The following CHI3L1 variants were observed in gnomAD, a reference collection of about 807,000 sequenced individuals.
CHI3L1 encodes the protein chitinase 3 like 1, also known as chitinase-3-like protein 1.
A neutral mutation model predicts 40.7 loss-of-function variants in CHI3L1; 30 were observed. The observed-to-expected ratio is 0.74, with a 90% CI of 0.55 to 1.00. The LOEUF is 1.00. Among genes scored for constraint, CHI3L1 ranks in the 50% least tolerant of loss-of-function variants. CHI3L1 has a pLI of 0.00. For synonymous variants in CHI3L1, 210 were observed against 192.1 expected (o/e 1.09, Z -0.77); for missense variants, 493 against 492.2 (o/e 1.00, Z -0.01).
In CHI3L1 at chr1:203,180,486, G is replaced by C. The variant is rs2102200655; in HGVS notation, c.878C>G (p.Thr293Ser). The C allele has an allele frequency of 6.3e-7, 1 of 1,595,412 alleles. No individual in the cohort carries two copies. The highest frequency in any genetic ancestry group is 1.8e-5 in the Admixed American group (1 of 55,650). Reference sequence around the variant, plus strand: ...CTCCATTACCTCATAGTAGGCAAGGGTCCCTGCCTCCTTGGTGAACCGGCC... The same window carrying C: ...CTCCATTACCTCATAGTAGGCAAGGCTCCCTGCCTCCTTGGTGAACCGGCC... ...IPGRFTKEAG[T>S]LAYYEICDFL... is the part of the protein sequence containing the mutation. Residue 293 changes from threonine to serine, a missense_variant, in exon 8 of 10, where the codon ACC becomes AGC. Physicochemically the swap from Thr to Ser is moderately conservative, Grantham distance 58. Coordinates refer to ENST00000255409, the MANE Select transcript of CHI3L1 (RefSeq NM_001276.4).
chr1:203,184,736 G>A lies in CHI3L1; in HGVS notation c.258-104C>T, dbSNP rs527453152. 605 of 960,246 alleles carry A rather than the reference G, an allele frequency of 6.3e-4. 2 individuals carry two copies. The African/African-American group carries it at 8.5e-3, about 13-fold the overall frequency. The allele number at this position is 960,246 out of a possible 1,614,324, so 59.5% of individuals were successfully genotyped here. On this transcript the variant is annotated intron_variant, in intron 3 of 9. Transcript: ENST00000255409. ...CCATAGAAGGTTTCCTGCTTTGGGT[G>A]AGAGGCTGGGTTAGGCCGCTGATGT... is the stretch of plus-strand genomic sequence containing the variant.
intron 1 of CHI3L1, 40 bp from the exon 2 acceptor site, chr1:203,186,385 C>A: frequency 6.3e-7 from 1 of 1,575,646 alleles, no homozygotes; most frequent in Non-Finnish European, 8.6e-7. Flanking sequence ...CAAGTGCATC[C>A]TGCCCTTCCG....
rs146812616 is a variant in CHI3L1 at position 203,186,601 on chromosome 1, G to T, written c.23C>A (p.Thr8Lys). The T allele has an allele frequency of 1.2e-6, 2 of 1,614,028 alleles. No individual in the cohort carries two copies. Among genetic ancestry groups the T allele is most frequent in the Non-Finnish European group, 1.7e-6 (2 of 1,180,030 alleles). Reference sequence around the variant, plus strand: ...TTAACCTTGGCTAGCCCAGATACCTGTTTGAGACGCCTTCACACCCATTCT... The same window carrying T: ...TTAACCTTGGCTAGCCCAGATACCTTTTTGAGACGCCTTCACACCCATTCT... Reference protein sequence around the residue: MGVKASQTGFVVLVLLQC... With the variant: MGVKASQKGFVVLVLLQC... Residue 8 changes from threonine to lysine, a missense_variant and splice_region_variant, in exon 1 of 10, where the codon ACA (threonine) becomes AAA (lysine). By Grantham distance (78) the Thr-to-Lys change is moderately conservative. Transcript: ENST00000255409.
In CHI3L1 at chr1:203,180,598, T is replaced by C; in HGVS notation, c.766A>G (p.Met256Val). The C allele has an allele frequency of 1.4e-6, 2 of 1,476,284 alleles. No homozygotes were observed. Among genetic ancestry groups the C allele is most frequent in the African/African-American group, 1.4e-5 (1 of 70,048 alleles). 91.4% of individuals were successfully genotyped at this position (1,476,284 alleles called of 1,614,324 possible). Residue 256 changes from methionine to valine, a missense_variant, in exon 8 of 10, where the codon ATG becomes GTG. By Grantham distance (21) the Met-to-Val change is conservative. Transcript: ENST00000255409. Reference protein sequence around the residue: ...RLGAPASKLVMGIPTFGRSFT... With the variant: ...RLGAPASKLVVGIPTFGRSFT... Reference sequence around the variant, plus strand: ...CTCCTCCCGAAGGTGGGGATGCCCATCACCAGCTTACTGGCAGGAGCCCCC... The same window carrying C: ...CTCCTCCCGAAGGTGGGGATGCCCACCACCAGCTTACTGGCAGGAGCCCCC...
In CHI3L1 at chr1:203,180,531, A is replaced by T; in HGVS notation, c.833T>A (p.Ile278Asn). ...ASSETGVGAP[I>N]SGPGIPGRFT... ...CCGGCCTGGAATTCCCGGTCCTGAG[A>T]TTGGGGCTCCAACACCAGTCTCAGA... Residue 278 changes from isoleucine (I) to asparagine (N), a missense_variant, in exon 8 of 10, where the codon ATC becomes AAC. Ile to Asn is a moderately radical substitution (Grantham distance 149). Transcript: ENST00000255409. 6.2e-7 allele frequency: 1 copy of T among 1,611,096 alleles called. No homozygotes were observed. Among genetic ancestry groups the T allele is most frequent in the Non-Finnish European group, 8.5e-7 (1 of 1,178,996 alleles).
chr1:203,182,747 T>C lies in CHI3L1; in HGVS notation c.571A>G (p.Ile191Val), dbSNP rs768196322. 3.1e-6 allele frequency: 5 copies of C among 1,614,068 alleles called. No homozygotes were observed. Among genetic ancestry groups the C allele is most frequent in the East Asian group, 2.2e-5 (1 of 44,876 alleles). The change falls in exon 6 of 10, where the codon ATT becomes GTT. Residue 191 changes from isoleucine (I) to valine (V), a missense_variant. Transcript: ENST00000255409. ...GAGACTCACTGGGATATCTTGGCAA[T>C]GTCATAGCTGCTGTCAATGGTGACC... The part of the protein sequence containing the change: ...GKVTIDSSYD[I>V]AKISQHLDFI...
intron 1 of CHI3L1, 23 bp from the exon 2 acceptor site, chr1:203,186,368 A>G (rs768214993): frequency 1.9e-6 from 3 of 1,584,188 alleles, no homozygotes; most frequent in East Asian, 4.6e-5. Flanking sequence ...CCAGGATGAG[A>G]CCCCTGCAAG....
In CHI3L1 at chr1:203,181,254, C is replaced by T. The variant is rs141218577; in HGVS notation, c.619G>A (p.Asp207Asn). The T allele has an allele frequency of 6.2e-6, 10 of 1,613,824 alleles. No individual in the cohort carries two copies. Among genetic ancestry groups the T allele is most frequent in the East Asian group, 4.5e-5 (2 of 44,888 alleles). Residue 207 changes from aspartate (D) to asparagine (N), a missense_variant, in exon 7 of 10, where the codon GAT becomes AAT. Asp to Asn is a conservative substitution (Grantham distance 23). Transcript: ENST00000255409. ...GTCCCACGCCAGGCTCCATGAAAAT[C>T]GTAGGTCATGATGCTAATGAAATCC... ...HLDFISIMTY[D>N]FHGAWRGTTG...
rs1656054108 is a variant in CHI3L1, at chr1:203,186,325, G to A, written c.46C>T (p.Leu16Phe). The A allele has an allele frequency of 1.3e-6, 2 of 1,591,920 alleles. No homozygotes were observed. Among genetic ancestry groups the A allele is most frequent in the Admixed American group, 1.7e-5 (1 of 57,712 alleles). The change falls in exon 2 of 10, where the codon CTC (leucine) becomes TTC (phenylalanine). Residue 16 changes from leucine to phenylalanine, a missense_variant. Transcript: ENST00000255409. Reference sequence around the variant, plus strand: ...TGGAGGGATTACTCACAGCACTGGAGCAGCACCAGGACCACAAAGCCTGAA... The same window carrying A: ...TGGAGGGATTACTCACAGCACTGGAACAGCACCAGGACCACAAAGCCTGAA... ...SQTGFVVLVLLQCCSAYKLVC... is the reference protein window; with the variant it reads ...SQTGFVVLVLFQCCSAYKLVC...
At chr1:203,183,831 T>C in intron 4 of CHI3L1, 40 bp from the exon 5 acceptor site, 2 of 1,611,356 alleles carry the variant, frequency 1.2e-6, no homozygotes, top group Non-Finnish European at 1.7e-6. Flanking sequence ...TCAGCACTGA[T>C]ATGCTAGGTG....
chr1:203,186,388 C>A (rs1000445136), intron 1 of CHI3L1, 43 bp from the exon 2 acceptor site: 6 of 1,572,166 alleles, frequency 3.8e-6, no homozygotes, highest in Non-Finnish European at 5.2e-6. Flanking sequence ...GTGCATCCTG[C>A]CCTTCCGCCC....
intron 5 of CHI3L1, 58 bp from the exon 6 acceptor site, chr1:203,182,910 C>T: frequency 6.3e-7 from 1 of 1,588,860 alleles, no homozygotes; most frequent in South Asian, 1.1e-5. Flanking sequence ...GAGGTAGACT[C>T]ATCGAGGGCG....
chr1:203,180,623 C>T lies in CHI3L1; in HGVS notation c.741G>A (p.Leu247=), dbSNP rs752337033. The change falls in exon 8 of 10, where the codon CTG becomes CTA. Residue 247 remains leucine (L), a synonymous_variant. Coordinates refer to ENST00000255409, the MANE Select transcript of CHI3L1 (RefSeq NM_001276.4). The stretch of plus-strand genomic sequence containing the variant: ...TCACCAGCTTACTGGCAGGAGCCCC[C>T]AGCCTCAACATGTACCCCACAGCAT... ...TDYAVGYMLR[L]GAPASKLVMG... 10 of 1,612,394 alleles carry T rather than the reference C, an allele frequency of 6.2e-6. No individual in the cohort carries two copies. Among genetic ancestry groups the T allele is most frequent in the Non-Finnish European group, 7.6e-6 (9 of 1,179,334 alleles).
At position 203,179,430 on chromosome 1, in the gene CHI3L1, G is replaced by T. The variant is rs376775749; in HGVS notation, c.*15C>A. On this transcript the variant is annotated 3_prime_UTR_variant, in exon 10 of 10. Transcript: ENST00000255409. Reference sequence around the variant, plus strand: ...GGGGCATCCTTGGCCCCCGTGCTGTGTGCAGAACAGAGGGCTACGTTGCAG... The same window carrying T: ...GGGGCATCCTTGGCCCCCGTGCTGTTTGCAGAACAGAGGGCTACGTTGCAG... 2.9e-5 allele frequency: 44 copies of T among 1,523,354 alleles called. No homozygotes were observed. In the African/African-American group the frequency reaches 5.4e-4, roughly 19 times the overall value. The allele number at this position is 1,523,354 out of a possible 1,614,324, so 94.4% of individuals were successfully genotyped here.
In CHI3L1 at chr1:203,179,448, C is replaced by G; in HGVS notation, c.1149G>C (p.Thr383=). The change falls in exon 10 of 10, where the codon ACG becomes ACC. Residue 383 remains threonine, a synonymous_variant. Coordinates refer to ENST00000255409, the MANE Select transcript of CHI3L1 (RefSeq NM_001276.4). Reference sequence around the variant, plus strand: ...GTGCTGTGTGCAGAACAGAGGGCTACGTTGCAGCGAGTGCATCCTTGATGG... The same window carrying G: ...GTGCTGTGTGCAGAACAGAGGGCTAGGTTGCAGCGAGTGCATCCTTGATGG... The part of the protein sequence containing the change: ...TNAIKDALAA[T] The G allele has an allele frequency of 6.5e-7, 1 of 1,535,140 alleles. No homozygotes were observed. Among genetic ancestry groups the G allele is most frequent in the South Asian group, 1.3e-5 (1 of 78,388 alleles).
At chr1:203,186,475 C>G in intron 1 of CHI3L1, 124 bp downstream of exon 1, 1 of 1,470,182 alleles carries the variant, frequency 6.8e-7, no homozygotes, top group Non-Finnish European at 9.4e-7. Flanking sequence ...CCTCCCCTGG[C>G]TCTGCTTCTC....
intron 8 of CHI3L1, 39 bp from the exon 9 acceptor site, chr1:203,179,916 T>C: frequency 6.3e-7 from 1 of 1,597,952 alleles, no homozygotes. Context: ...TGGGGAGTCG[T>C]GCCGAGACCT....
chr1:203,180,742 T>C (rs1360242995), intron 7 of CHI3L1, 90 bp from the exon 8 acceptor site: 1 of 962,886 alleles, frequency 1.0e-6, no homozygotes, highest in East Asian at 2.7e-5. Flanking sequence ...GCAGGGGTTA[T>C]TGGTGTATGG....
chr1:203,186,235 G>A (rs990589287), intron 2 of CHI3L1, 81 bp downstream of exon 2: 1 of 1,455,284 alleles, frequency 6.9e-7, no homozygotes, highest in African/African-American at 1.4e-5. Context: ...GTGTTCCCTT[G>A]GAGCTAAGAC....
Sources: allele counts gnomAD v4.1 joint callset, GRCh38; gene constraint gnomAD v4.1.1; transcripts MANE v1.5; gene names NCBI Gene and HGNC (gene_info 2026-07-23, HGNC 2026-07-21).